PNPLA8: variants seen among roughly 807,000 people sequenced by gnomAD.
The protein encoded by PNPLA8 is patatin like domain 8, phospholipase A2.
A neutral mutation model predicts 76.9 loss-of-function variants in PNPLA8; 39 were observed. The ratio of observed to expected loss-of-function variants is 0.51; its 90% CI spans 0.39 to 0.66. The LOEUF (loss-of-function observed/expected upper bound fraction) is 0.66. PNPLA8 is among the 30% of genes least tolerant of loss of function. PNPLA8 has a pLI of 0.00. For missense variants in PNPLA8, 887 were observed against 918.0 expected (o/e 0.97, Z 0.44); for synonymous variants, 301 against 307.9 (o/e 0.98, Z 0.24).
chr7:108,485,301 T>C (rs1346140236), intron 9 of PNPLA8, among the ~76,000 whole-genome samples: 1 of 152,160 alleles, frequency 6.6e-6, no homozygotes, highest in Non-Finnish European at 1.5e-5. Context: ...TCACAAAGAA[T>C]TCTTCTCACT....
rs767635382 is a variant in PNPLA8, at chr7:108,472,706, GA to G, written c.2075-32del. ...AAAGCAAAAAAGAAAAGGATAAGGG[GA>G]TAAGAAAAGAGGGGATAAAGTGAGC... On this transcript the variant is annotated intron_variant, in intron 10 of 10. Transcript: ENST00000257694. 155 of 1,486,924 alleles carry G rather than the reference GA, an allele frequency of 1.0e-4. 1 individual carries two copies. Among genetic ancestry groups the G allele is most frequent in the South Asian group, 1.0e-3 (75 of 72,544 alleles). The allele number at this position is 1,486,924 out of a possible 1,614,324, so 92.1% of individuals were successfully genotyped here.
At chr7:108,501,972 T>A (rs1182703517) in intron 5 of PNPLA8, among the ~76,000 whole-genome samples, 1 of 151,870 alleles carries the variant, frequency 6.6e-6, no homozygotes, top group East Asian at 1.9e-4. Flanking sequence ...TCAAATCAAA[T>A]ACAAAAATAT....
At chr7:108,482,620 C>T (rs912211046) in intron 9 of PNPLA8, among the ~76,000 whole-genome samples, 6 of 152,206 alleles carry the variant, frequency 3.9e-5, no homozygotes, top group African/African-American at 1.4e-4. Flanking sequence ...AGGAATAACT[C>T]ACATCTTTAC....
Position 108,493,568 on chromosome 7 carries a change from CTTTTTTTTTTTTT to C in PNPLA8, c.1626-2114_1626-2102del, listed in dbSNP as rs34935118. 1.7e-4 allele frequency among the ~76,000 whole-genome samples: 14 copies of C among 81,216 alleles called. No homozygotes were observed. The East Asian group carries it at 4.7e-3, about 27-fold the overall frequency. The allele number at this position is 81,216 out of a possible 152,430, so 53.3% of individuals were successfully genotyped here. A position where few individuals can be genotyped will look rare whatever the true frequency, so the allele number is the denominator to read the frequency against. ...TACAGGCGCCCGCCCCCATGCCTGGCTTTTTTTTTTTTTTTTTTTTTTTTTGTATTTTTAGTAG... is the reference window on the plus strand; with the variant it reads ...TACAGGCGCCCGCCCCCATGCCTGGCTTTTTTTTTTTTGTATTTTTAGTAG... On this transcript the variant is annotated intron_variant, in intron 7 of 10. Coordinates refer to ENST00000257694, the MANE Select transcript of PNPLA8 (RefSeq NM_001256007.3).
intron 8 of PNPLA8, 83 bp from the exon 9 acceptor site, chr7:108,488,036 TGAA>T: frequency 1.4e-6 from 1 of 733,376 alleles, no homozygotes; most frequent in Non-Finnish European, 2.3e-6. Flanking sequence ...TTTAGTAGTA[TGAA>T]TGAACAATCT....
intron 9 of PNPLA8, among the ~76,000 whole-genome samples, chr7:108,487,497 T>C (rs1377237888): frequency 6.6e-6 from 1 of 152,198 alleles, no homozygotes; most frequent in East Asian, 1.9e-4. Flanking sequence ...TACTCTCACT[T>C]TTCCATCATA....
intron 4 of PNPLA8, chr7:108,511,109 CTGTAAAATT>C (rs917667929): frequency 5.2e-5 from 33 of 635,472 alleles, no homozygotes; most frequent in African/African-American, 5.0e-4. Flanking sequence ...CTTTCCTTTC[CTGTAAAATT>C]TGTAAAATTT....
At chr7:108,486,911 CCT>C (rs1860779531) in intron 9 of PNPLA8, among the ~76,000 whole-genome samples, 1 of 151,974 alleles carries the variant, frequency 6.6e-6, no homozygotes, top group African/African-American at 2.4e-5. Context: ...CGTCAAGATT[CCT>C]CTCATTCTAC....
At chr7:108,478,481 C>T (rs992456165) in intron 10 of PNPLA8, among the ~76,000 whole-genome samples, 6 of 152,078 alleles carry the variant, frequency 3.9e-5, no homozygotes, top group African/African-American at 1.4e-4. Context: ...ACCTCTGCCC[C>T]CAAGGCTCAA....
At position 108,479,373 on chromosome 7, in the gene PNPLA8, C is replaced by T. The variant is rs201831303; in HGVS notation, c.1885G>A (p.Gly629Ser). 2 of 1,604,290 alleles carry T rather than the reference C, an allele frequency of 1.2e-6. No individual in the cohort carries two copies. Among genetic ancestry groups the T allele is most frequent in the African/African-American group, 1.3e-5 (1 of 74,558 alleles). Residue 629 changes from glycine to serine, a missense_variant, in exon 10 of 11, where the codon GGT becomes AGT. Gly to Ser is a moderately conservative substitution (Grantham distance 56). Coordinates refer to ENST00000257694, the MANE Select transcript of PNPLA8 (RefSeq NM_001256007.3). ...GCCGAAGGGTTATTCAGAAGCAAAC[C>T]TCCATCCTGCAAAATACAAGTTAAA... ...ALGNDLHQDG[G>S]LLLNNPSALA...
In PNPLA8 at chr7:108,480,985, T is replaced by G. The variant is rs545969165; in HGVS notation, c.1879-1606A>C. ...AAATGGAATAATACAGTATGGGACTTCTTTAAACTGCCTTCTCTTTCTGAG... is the reference window on the plus strand; with the variant it reads ...AAATGGAATAATACAGTATGGGACTGCTTTAAACTGCCTTCTCTTTCTGAG... On this transcript the variant is annotated intron_variant, in intron 9 of 10. Coordinates refer to ENST00000257694, the MANE Select transcript of PNPLA8 (RefSeq NM_001256007.3). Among the ~76,000 whole-genome samples the G allele has an allele frequency of 4.6e-5, 7 of 152,254 alleles. No homozygotes were observed. The East Asian group carries it at 1.4e-3, about 29-fold the overall frequency.
chr7:108,483,965 A>G (rs1445443204), intron 9 of PNPLA8, among the ~76,000 whole-genome samples: 1 of 152,238 alleles, frequency 6.6e-6, no homozygotes, highest in East Asian at 1.9e-4. Context: ...CTTAAATTTT[A>G]TATTTGTTAT....
intron 9 of PNPLA8, among the ~76,000 whole-genome samples, chr7:108,481,260 C>T (rs892158839): frequency 2.0e-5 from 3 of 152,164 alleles, no homozygotes; most frequent in South Asian, 2.1e-4. Flanking sequence ...GGTAAGTATA[C>T]GTTTAACTTT....
intron 7 of PNPLA8, among the ~76,000 whole-genome samples, chr7:108,495,313 G>A (rs1404261850): frequency 3.3e-5 from 5 of 152,018 alleles, no homozygotes; most frequent in Admixed American, 2.0e-4. Context: ...TTCTAAGAGA[G>A]GATTTGTTAA....
At chr7:108,502,462 A>AG in intron 5 of PNPLA8, 29 bp downstream of exon 5, 1 of 1,437,566 alleles carries the variant, frequency 7.0e-7, no homozygotes, top group Non-Finnish European at 9.2e-7. Flanking sequence ...AAAAAAAAAA[A>AG]AAAAAAAGAA....
intron 8 of PNPLA8, among the ~76,000 whole-genome samples, chr7:108,488,907 C>A (rs1447281049): frequency 1.3e-5 from 2 of 152,166 alleles, no homozygotes; most frequent in Non-Finnish European, 2.9e-5. Context: ...TGTGCCAAGT[C>A]CTGCCAATTG....
In PNPLA8 at chr7:108,472,304, T is replaced by C. The variant is rs761545117; in HGVS notation, c.*97A>G. ...CAGGATTCTCCAGAATTCATACGTA[T>C]TTCAAAGTTAACTCATGTCGAACCC... On this transcript the variant is annotated 3_prime_UTR_variant, in exon 11 of 11. Coordinates refer to ENST00000257694, the MANE Select transcript of PNPLA8 (RefSeq NM_001256007.3). 9 of 832,098 alleles carry C rather than the reference T, an allele frequency of 1.1e-5. No homozygotes were observed. Among genetic ancestry groups the C allele is most frequent in the Non-Finnish European group, 1.7e-5 (9 of 529,800 alleles). 51.5% of individuals were successfully genotyped at this position (832,098 alleles called of 1,614,324 possible).
intron 4 of PNPLA8, chr7:108,511,085 A>T (rs1862897098): frequency 1.5e-6 from 1 of 669,098 alleles, no homozygotes; most frequent in Non-Finnish European, 2.5e-6. Flanking sequence ...AATACAAATA[A>T]ATTAAGCATT....
chr7:108,472,431 A>G lies in PNPLA8; in HGVS notation c.2319T>C (p.Tyr773=). ...NDWIKLKTDM[Y]EGLPFFSKL ...ATTTTGAAAAGAATGGAAGTCCTTC[A>G]TACATATCAGTTTTTAATTTTATCC... Residue 773 remains tyrosine, a synonymous_variant, in exon 11 of 11, where the codon TAT becomes TAC. Coordinates refer to ENST00000257694, the MANE Select transcript of PNPLA8 (RefSeq NM_001256007.3). 1 of 1,591,816 alleles carries G rather than the reference A, an allele frequency of 6.3e-7. No individual in the cohort carries two copies. The highest frequency in any genetic ancestry group is 2.2e-5 in the East Asian group (1 of 44,708).
Sources: gnomAD v4.1 joint callset for allele counts (sites outside exome capture counted in the v4.1 genomes callset) on GRCh38, gnomAD v4.1.1 for gene constraint, MANE v1.5 for transcripts, NCBI Gene and HGNC (gene_info 2026-07-23, HGNC 2026-07-21) for gene names.